The following VPS13B variants were observed in gnomAD, a reference collection of about 807,000 sequenced individuals.
VPS13B encodes vacuolar protein sorting 13 homolog B.
VPS13B carries 285 observed loss-of-function variants against 426.4 expected under a neutral mutation model. That is an observed-to-expected ratio of 0.67 (90% CI 0.61 to 0.74). The LOEUF is 0.74. VPS13B is among the 30% of genes least tolerant of loss of function. The probability of loss-of-function intolerance (pLI) is 0.00; values close to 1 mark genes in which losing one functional copy is unlikely to be tolerated. For missense variants in VPS13B, 4,537 were observed against 4,782.6 expected (o/e 0.95, Z 1.51); for synonymous variants, 1,676 against 1,676.4 (o/e 1.00, Z 0.01).
At chr8:99,470,165 T>C (rs188035434) in intron 24 of VPS13B, among the ~76,000 whole-genome samples, 155 of 152,324 alleles carry the variant, frequency 1.0e-3, no homozygotes, top group African/African-American at 3.6e-3. Flanking sequence ...TCAGCTTCTT[T>C]AGACACTTTA....
intron 2 of VPS13B, among the ~76,000 whole-genome samples, chr8:99,034,004 A>G (rs1469997832): frequency 6.6e-6 from 1 of 152,132 alleles, no homozygotes; most frequent in African/African-American, 2.4e-5. Flanking sequence ...TCCTTCACAG[A>G]TAGTTTGTTT....
chr8:99,691,575 C>T (rs868618363), intron 35 of VPS13B, among the ~76,000 whole-genome samples: 4 of 151,768 alleles, frequency 2.6e-5, no homozygotes, highest in Middle Eastern at 3.4e-3. Flanking sequence ...ACAGTGTCAG[C>T]CGCTGCAAAA....
At chr8:99,108,963 A>G (rs912907158) in intron 5 of VPS13B, among the ~76,000 whole-genome samples, 6 of 152,174 alleles carry the variant, frequency 3.9e-5, no homozygotes, top group African/African-American at 1.4e-4. Flanking sequence ...TTGGTAGAAT[A>G]TGACAGTGAA....
At chr8:99,690,250 A>G (rs534308851) in intron 35 of VPS13B, among the ~76,000 whole-genome samples, 6 of 152,332 alleles carry the variant, frequency 3.9e-5, no homozygotes, top group African/African-American at 9.6e-5. Flanking sequence ...ATATCCACAC[A>G]TAAAAGAATG....
chr8:99,310,905 G>A (rs1168337580), intron 19 of VPS13B, among the ~76,000 whole-genome samples: 1 of 152,164 alleles, frequency 6.6e-6, no homozygotes, highest in Non-Finnish European at 1.5e-5. Flanking sequence ...TTTGGAGGGT[G>A]TATGTGTTGA....
intron 42 of VPS13B, among the ~76,000 whole-genome samples, chr8:99,781,610 G>A (rs1812024093): frequency 6.6e-6 from 1 of 152,082 alleles, no homozygotes; most frequent in South Asian, 2.1e-4. Context: ...GTTCCCTGAG[G>A]ACTTTGAATA....
At chr8:99,521,354 A>C (rs1251043264) in intron 30 of VPS13B, among the ~76,000 whole-genome samples, 1 of 152,248 alleles carries the variant, frequency 6.6e-6, no homozygotes, top group African/African-American at 2.4e-5. Context: ...TACTGTAGTC[A>C]TGTTGTATCA....
chr8:99,776,833 C>T lies in VPS13B; in HGVS notation c.7306C>T (p.Leu2436=), dbSNP rs200065297. The T allele has an allele frequency of 6.2e-7, 1 of 1,614,054 alleles. No homozygotes were observed. Among genetic ancestry groups the T allele is most frequent in the African/African-American group, 1.3e-5 (1 of 75,028 alleles). Residue 2436 remains leucine, a synonymous_variant, in exon 41 of 62, where the codon CTG becomes TTG. Transcript: ENST00000357162. ...TCDPLVTPTA[L]AACTRVDSCF... ...TGATCCACTTGTGACTCCAACAGCC[C>T]TGGCTGCCTGTACCAGAGTTGACTC...
intron 30 of VPS13B, among the ~76,000 whole-genome samples, chr8:99,548,073 G>A (rs1454238081): frequency 1.3e-5 from 2 of 152,106 alleles, no homozygotes; most frequent in African/African-American, 2.4e-5. Context: ...TAAGGCAGAC[G>A]TTAACATTAG....
intron 30 of VPS13B, among the ~76,000 whole-genome samples, chr8:99,521,488 T>G (rs1822377163): frequency 6.6e-6 from 1 of 152,208 alleles, no homozygotes; most frequent in Non-Finnish European, 1.5e-5. Context: ...GTAAACACTT[T>G]CTGTGAAAAT....
chr8:99,875,332 C>A, intron 61 of VPS13B, 86 bp from the exon 62 acceptor site: 2 of 1,581,710 alleles, frequency 1.3e-6, no homozygotes, highest in Non-Finnish European at 1.7e-6. Flanking sequence ...GCATAATGTA[C>A]AAATATATCG....
rs190860630 is a variant in VPS13B at position 99,459,774 on chromosome 8, A to C, written c.3446-7640A>C. Among the ~76,000 whole-genome samples, 88 of 152,212 alleles carry C rather than the reference A, an allele frequency of 5.8e-4. 1 individual carries two copies. Among genetic ancestry groups the C allele is most frequent in the Non-Finnish European group, 2.5e-4 (17 of 67,972 alleles). ...AACATTGTTATGTAGCTCATGATGT[A>C]TTTTGAGATTCTGTTGTTAGATGTA... On this transcript the variant is annotated intron_variant, in intron 23 of 61. Transcript: ENST00000357162.
At chr8:99,873,374 T>G (rs1293188131) in intron 61 of VPS13B, 1 of 152,130 alleles carries the variant, frequency 6.6e-6, no homozygotes, top group Non-Finnish European at 1.5e-5. Flanking sequence ...CTGAGATTAT[T>G]GGGATTGTGG....
At chr8:99,738,812 G>T (rs1833944477) in intron 39 of VPS13B, among the ~76,000 whole-genome samples, 2 of 152,178 alleles carry the variant, frequency 1.3e-5, no homozygotes, top group South Asian at 4.1e-4. Flanking sequence ...CTATCATCTA[G>T]TGGTAAGTTA....
chr8:99,869,699 C>G (rs1050445482), intron 59 of VPS13B, among the ~76,000 whole-genome samples: 2 of 152,186 alleles, frequency 1.3e-5, no homozygotes, highest in Admixed American at 1.3e-4. Context: ...TGTCCCTCAC[C>G]GTGTTTCCCA....
At chr8:99,459,227 G>A (rs1213960586) in intron 23 of VPS13B, among the ~76,000 whole-genome samples, 1 of 152,110 alleles carries the variant, frequency 6.6e-6, no homozygotes, top group East Asian at 1.9e-4. Flanking sequence ...TAATATATAT[G>A]CCAGTTACGT....
intron 19 of VPS13B, among the ~76,000 whole-genome samples, chr8:99,281,979 C>T (rs1819197674): frequency 6.6e-6 from 1 of 152,080 alleles, no homozygotes; most frequent in African/African-American, 2.4e-5. Context: ...ATTTCAGCTG[C>T]TTCTTAAATA....
Position 99,871,335 on chromosome 8 carries a change from T to C in VPS13B, c.11496-113T>C. 3 of 1,499,648 alleles carry C rather than the reference T, an allele frequency of 2.0e-6. No homozygotes were observed. In the South Asian group the frequency reaches 3.4e-5, roughly 17 times the overall value. The allele number at this position is 1,499,648 out of a possible 1,614,324, so 92.9% of individuals were successfully genotyped here. On this transcript the variant is annotated intron_variant, in intron 60 of 61. Transcript: ENST00000357162. ...TTCAAGCTAAAATGGGTAACTGGAT[T>C]GGTGAGGGCCCTTTGCCCTTGTGGA...
intron 35 of VPS13B, chr8:99,697,745 G>A (rs540747610): frequency 1.4e-4 from 85 of 625,752 alleles, no homozygotes; most frequent in East Asian, 6.5e-4. Context: ...GGGCGCGCCC[G>A]TAGGGGAGAA....
Sources: allele counts gnomAD v4.1 joint callset (sites outside exome capture counted in the v4.1 genomes callset), GRCh38; gene constraint gnomAD v4.1.1; transcripts MANE v1.5; gene names NCBI Gene and HGNC (gene_info 2026-07-23, HGNC 2026-07-21).